GAL3ST2: variants seen among roughly 807,000 people sequenced by gnomAD.
The protein encoded by GAL3ST2 is galactose-3-O-sulfotransferase 2.
Under a neutral mutation model 12.9 loss-of-function variants are expected in GAL3ST2, and 16 were observed. The observed-to-expected ratio is 1.24, with a 90% confidence interval of 0.84 to 1.88. GAL3ST2 has a LOEUF of 1.88. Ranked by LOEUF, GAL3ST2 falls within the 40% of genes most tolerant of loss-of-function variation. GAL3ST2 has a pLI of 0.00. For synonymous variants in GAL3ST2, 302 were observed against 273.9 expected (o/e 1.10, Z -1.01); for missense variants, 639 against 571.8 (o/e 1.12, Z -1.20).
intron 1 of GAL3ST2, among the ~76,000 whole-genome samples, chr2:241,798,065 C>T (rs1232028005): frequency 6.6e-6 from 1 of 152,200 alleles, no homozygotes; most frequent in Non-Finnish European, 1.5e-5. Context: ...TGAGGGGCCC[C>T]TTGGCTGCTC....
rs1699904820 is a variant in GAL3ST2 at position 241,804,182 on chromosome 2, G to A, written c.*16G>A. 1.4e-6 allele frequency: 2 copies of A among 1,407,390 alleles called. No homozygotes were observed. The highest frequency in any genetic ancestry group is 9.3e-7 in the Non-Finnish European group (1 of 1,074,372). 87.2% of individuals were successfully genotyped at this position (1,407,390 alleles called of 1,614,324 possible). A position where few individuals can be genotyped will look rare whatever the true frequency, so the allele number is the denominator to read the frequency against. ...GGGGGCGTAGAGGGGCCGGGCCGGGGACGAGGCCTCCTGCGGACACCAGCT... is the reference window on the plus strand; with the variant it reads ...GGGGGCGTAGAGGGGCCGGGCCGGGAACGAGGCCTCCTGCGGACACCAGCT... On this transcript the variant is annotated 3_prime_UTR_variant, in exon 4 of 4. Coordinates refer to ENST00000192314, the MANE Select transcript of GAL3ST2 (RefSeq NM_022134.3).
chr2:241,778,678 A>G lies in GAL3ST2; in HGVS notation c.29+1694A>G, dbSNP rs561977256. Among the ~76,000 whole-genome samples, 5 of 152,262 alleles carry G rather than the reference A, an allele frequency of 3.3e-5. No homozygotes were observed. The East Asian group carries it at 9.7e-4, about 29-fold the overall frequency. On this transcript the variant is annotated intron_variant, in intron 1 of 3. Transcript: ENST00000192314. ...GGGTGAGGACGTGCACCCATGACCC[A>G]GCCTCAGGAGGTCCTGATGACGTGT...
At chr2:241,782,328 T>C (rs1020828500) in intron 1 of GAL3ST2, among the ~76,000 whole-genome samples, 2 of 151,810 alleles carry the variant, frequency 1.3e-5, no homozygotes, top group East Asian at 3.8e-4. Context: ...TATTTTATTT[T>C]TATTTATTTA....
chr2:241,789,451 A>C (rs1207862130), intron 1 of GAL3ST2, among the ~76,000 whole-genome samples: 1 of 152,196 alleles, frequency 6.6e-6, no homozygotes, highest in Non-Finnish European at 1.5e-5. Flanking sequence ...TTGCTATTTG[A>C]TTTTCACCTG....
At position 241,795,311 on chromosome 2, in the gene GAL3ST2, A is replaced by G. The variant is rs1699759370; in HGVS notation, c.30-3754A>G. On this transcript the variant is annotated intron_variant, in intron 1 of 3. Transcript: ENST00000192314. This position sits in a 1 kb window ranked among gnomAD's most constrained non-coding sequence, Gnocchi z 4.5. Reference sequence around the variant, plus strand: ...TGAGAAGGCTGTAGCATTTCTCTGGAAACGTCATTGTTTTAATTGGGCAGT... The same window carrying G: ...TGAGAAGGCTGTAGCATTTCTCTGGGAACGTCATTGTTTTAATTGGGCAGT... Among the ~76,000 whole-genome samples the G allele has an allele frequency of 6.6e-6, 1 of 152,196 alleles. No homozygotes were observed. Among genetic ancestry groups the G allele is most frequent in the Non-Finnish European group, 1.5e-5 (1 of 68,018 alleles).
At chr2:241,786,139 TTGTGTG>T (rs141438054) in intron 1 of GAL3ST2, among the ~76,000 whole-genome samples, 8 of 145,952 alleles carry the variant, frequency 5.5e-5, no homozygotes, top group East Asian at 2.0e-4. Context: ...CACACACCTT[TTGTGTG>T]TGTGTGTGTG....
intron 1 of GAL3ST2, 85 bp from the exon 2 acceptor site, chr2:241,798,980 A>G: frequency 9.2e-7 from 1 of 1,084,866 alleles, no homozygotes; most frequent in Non-Finnish European, 1.4e-6. Flanking sequence ...GTGTGGCCCA[A>G]GGCCTGGACT....
intron 1 of GAL3ST2, among the ~76,000 whole-genome samples, chr2:241,783,052 C>T (rs772011834): frequency 1.3e-5 from 2 of 151,812 alleles, no homozygotes; most frequent in South Asian, 2.1e-4. Flanking sequence ...GCAGAAGAAT[C>T]GCTTGAACCC....
rs1035676826 is a variant in GAL3ST2 at position 241,801,786 on chromosome 2, T to A, written c.125T>A (p.Phe42Tyr). The stretch of plus-strand genomic sequence containing the variant: ...GCGTGTGCCTTCCCTCCCAGCCTGT[T>A]TGGGGGCCAGGCTGAGGGGCCGCCG... ...HSDLELDTPL[F>Y]GGQAEGPPVT... Residue 42 changes from phenylalanine to tyrosine, a missense_variant, in exon 3 of 4, where the codon TTT (phenylalanine) becomes TAT (tyrosine). By Grantham distance (22) the Phe-to-Tyr change is conservative. Coordinates refer to ENST00000192314, the MANE Select transcript of GAL3ST2 (RefSeq NM_022134.3). The surrounding 1 kb of genome is among the most constrained non-coding windows in gnomAD (Gnocchi z 4.4). 1 of 1,612,230 alleles carries A rather than the reference T, an allele frequency of 6.2e-7. No individual in the cohort carries two copies. Among genetic ancestry groups the A allele is most frequent in the African/African-American group, 1.3e-5 (1 of 74,892 alleles).
intron 1 of GAL3ST2, among the ~76,000 whole-genome samples, chr2:241,798,090 G>A (rs960638342): frequency 2.0e-5 from 3 of 152,214 alleles, no homozygotes; most frequent in African/African-American, 4.8e-5. Context: ...CTGATGGGGG[G>A]CTTTGCCCAG....
intron 1 of GAL3ST2, among the ~76,000 whole-genome samples, chr2:241,785,049 G>A (rs1269533939): frequency 6.6e-6 from 1 of 152,224 alleles, no homozygotes; most frequent in African/African-American, 2.4e-5. Flanking sequence ...TCTGGGCAGA[G>A]CCCACACTGA....
chr2:241,778,064 C>T (rs1021047849), intron 1 of GAL3ST2, among the ~76,000 whole-genome samples: 7 of 152,238 alleles, frequency 4.6e-5, no homozygotes, highest in African/African-American at 1.7e-4. Context: ...ACGTCCCACA[C>T]TAAGGCCAGG....
Position 241,793,310 on chromosome 2 carries a change from G to A in GAL3ST2, c.30-5755G>A, listed in dbSNP as rs1377821127. On this transcript the variant is annotated intron_variant, in intron 1 of 3. Transcript: ENST00000192314. This position sits in a 1 kb window ranked among gnomAD's most constrained non-coding sequence, Gnocchi z 4.7. ...GTCAGAAGGAACCGCAGGGGGATGT[G>A]TGTGTCCGTGTGTGTGTATGTGTAT... Among the ~76,000 whole-genome samples, 1 of 152,134 alleles carries A rather than the reference G, an allele frequency of 6.6e-6. No homozygotes were observed. Among genetic ancestry groups the A allele is most frequent in the African/African-American group, 2.4e-5 (1 of 41,426 alleles).
At chr2:241,794,395 A>G (rs1290896650) in intron 1 of GAL3ST2, among the ~76,000 whole-genome samples, 1 of 152,222 alleles carries the variant, frequency 6.6e-6, no homozygotes, top group Non-Finnish European at 1.5e-5. Flanking sequence ...TGGTGCCTCA[A>G]GCTGTCCCCT....
In GAL3ST2 at chr2:241,803,903, G is replaced by C. The variant is rs777258798; in HGVS notation, c.934G>C (p.Ala312Pro). The C allele has an allele frequency of 7.1e-7, 1 of 1,413,968 alleles. No homozygotes were observed. The highest frequency in any genetic ancestry group is 9.2e-7 in the Non-Finnish European group (1 of 1,091,700). The allele number at this position is 1,413,968 out of a possible 1,614,324, so 87.6% of individuals were successfully genotyped here. A position where few individuals can be genotyped will look rare whatever the true frequency, so the allele number is the denominator to read the frequency against. Residue 312 changes from alanine to proline, a missense_variant, in exon 4 of 4, where the codon GCC becomes CCC. Physicochemically the swap from Ala to Pro is conservative, Grantham distance 27. Transcript: ENST00000192314. ...RLRGEVERLR[A>P]RRRELASLCL... ...GCGCGGGGAGGTGGAGCGGCTGCGC[G>C]CCCGGAGGCGCGAACTCGCGAGCCT...
At chr2:241,796,264 T>G (rs1394950908) in intron 1 of GAL3ST2, among the ~76,000 whole-genome samples, 1 of 152,104 alleles carries the variant, frequency 6.6e-6, no homozygotes, top group African/African-American at 2.4e-5. Context: ...CCCAGACATA[T>G]GACCTTCTCA....
chr2:241,802,160 C>G lies in GAL3ST2; in HGVS notation c.375+124C>G. 760 of 577,420 alleles carry G rather than the reference C, an allele frequency of 1.3e-3. No individual in the cohort carries two copies. Among genetic ancestry groups the G allele is most frequent in the Middle Eastern group, 4.3e-3 (7 of 1,636 alleles). The allele number at this position is 577,420 out of a possible 1,614,324, so 35.8% of individuals were successfully genotyped here. A position where few individuals can be genotyped will look rare whatever the true frequency, so the allele number is the denominator to read the frequency against. ...GCTTGGGGGCGGGGCGTGCAGAAGG[C>G]GGGTTGGGAGGGCCTGGGCCGCACG... On this transcript the variant is annotated intron_variant, in intron 3 of 3. Transcript: ENST00000192314. The surrounding 1 kb of genome is among the most constrained non-coding windows in gnomAD (Gnocchi z 4.8).
At chr2:241,784,035 C>CTTT (rs1194688922) in intron 1 of GAL3ST2, among the ~76,000 whole-genome samples, 1 of 139,676 alleles carries the variant, frequency 7.2e-6, no homozygotes, top group African/African-American at 2.6e-5. Context: ...TTAATGTCTT[C>CTTT]TTTTTTTTTT....
At chr2:241,799,683 A>C (rs1431155585) in intron 2 of GAL3ST2, among the ~76,000 whole-genome samples, 1 of 152,096 alleles carries the variant, frequency 6.6e-6, no homozygotes, top group African/African-American at 2.4e-5. Context: ...AGGGTCTTCC[A>C]GGCCCCGCCA....
Sources: allele counts gnomAD v4.1 joint callset (sites outside exome capture counted in the v4.1 genomes callset), GRCh38; gene constraint gnomAD v4.1.1; non-coding constraint Gnocchi (gnomAD v3.1); transcripts MANE v1.5; gene names NCBI Gene and HGNC (gene_info 2026-07-23, HGNC 2026-07-21).